Variants in PCDH15 observed in about 807,000 individuals in gnomAD.
PCDH15 encodes the protein protocadherin-15.
In PCDH15, 129 loss-of-function variants were observed where a neutral mutation model predicts 178.5. That is an observed-to-expected ratio of 0.72 (90% CI 0.63 to 0.84). The LOEUF is 0.84. Ranked by LOEUF, PCDH15 falls within the 40% of genes least tolerant of loss-of-function variation. The probability of loss-of-function intolerance (pLI) is 0.00; values close to 1 mark genes in which losing one functional copy is unlikely to be tolerated. For missense variants in PCDH15, 2,230 were observed against 2,099.9 expected, an observed-to-expected ratio of 1.06 and a Z score of -1.21; for synonymous variants, 800 against 732.0, an observed-to-expected ratio of 1.09 and a Z score of -1.50.
chr10:54,356,080 T>G (rs1944927647), intron 5 of PCDH15, among the ~76,000 whole-genome samples: 1 of 152,052 alleles, frequency 6.6e-6, no homozygotes, highest in South Asian at 2.1e-4. Context: ...TATTAAGTAT[T>G]AAGTACAAAA....
chr10:55,289,885 T>G (rs1842965018), intron 1 of PCDH15, among the ~76,000 whole-genome samples: 1 of 152,014 alleles, frequency 6.6e-6, no homozygotes, highest in Admixed American at 6.6e-5. Context: ...TTCACGGGAC[T>G]GAGTGAGTTT....
chr10:54,305,468 G>T (rs984442179), intron 8 of PCDH15, among the ~76,000 whole-genome samples: 4 of 151,856 alleles, frequency 2.6e-5, no homozygotes, highest in African/African-American at 9.7e-5. Flanking sequence ...AAATATATAT[G>T]CATTGATAGG....
chr10:55,271,261 A>G (rs552097822), intron 1 of PCDH15, among the ~76,000 whole-genome samples: 2 of 152,230 alleles, frequency 1.3e-5, no homozygotes, highest in South Asian at 4.1e-4. Context: ...ATATAAGTTG[A>G]ATTTTAAAAA....
chr10:55,291,267 T>A (rs1842999716), intron 1 of PCDH15, among the ~76,000 whole-genome samples: 1 of 152,104 alleles, frequency 6.6e-6, no homozygotes, highest in Admixed American at 6.6e-5. Flanking sequence ...AACACATACT[T>A]AAAACTTAAT....
chr10:54,834,212 T>C (rs1273336963), intron 3 of PCDH15, among the ~76,000 whole-genome samples: 2 of 151,354 alleles, frequency 1.3e-5, no homozygotes, highest in African/African-American at 2.4e-5. Flanking sequence ...TTTTTTGAGA[T>C]GGAGTCTCAC....
At chr10:54,814,038 G>A in intron 3 of PCDH15, among the ~76,000 whole-genome samples, 1 of 152,060 alleles carries the variant, frequency 6.6e-6, no homozygotes, top group East Asian at 1.9e-4. Context: ...TTAATTCCCA[G>A]TCTACCTCCC....
chr10:55,153,474 G>A lies in PCDH15; in HGVS notation c.-80+13102C>T, dbSNP rs191596414. ...GCAATTTTTCACCTTTGTAGTGGGC[G>A]TATAATTTATAACAATAAAAAGAGA... On this transcript the variant is annotated intron_variant, in intron 2 of 5. Coordinates refer to the PCDH15 transcript ENST00000458638. 3.2e-4 allele frequency among the ~76,000 whole-genome samples: 49 copies of A among 152,244 alleles called. 1 individual carries two copies. The highest frequency in any genetic ancestry group is 9.4e-4 in the African/African-American group (39 of 41,550).
intron 3 of PCDH15, among the ~76,000 whole-genome samples, chr10:54,460,197 T>G (rs1318676642): frequency 1.3e-5 from 2 of 152,088 alleles, no homozygotes; most frequent in Non-Finnish European, 2.9e-5. Flanking sequence ...AATTGTGATT[T>G]CTTAACTAGA....
intron 2 of PCDH15, among the ~76,000 whole-genome samples, chr10:54,542,322 G>A (rs913508972): frequency 6.6e-6 from 1 of 152,226 alleles, no homozygotes; most frequent in South Asian, 2.1e-4. Context: ...CGTATCACTG[G>A]CTGGCAGAGA....
chr10:55,438,738 G>T (rs1393955590), intron 2 of PCDH15, among the ~76,000 whole-genome samples: 3 of 151,738 alleles, frequency 2.0e-5, no homozygotes, highest in African/African-American at 7.3e-5. Context: ...ACAGGAAAAT[G>T]ACATATATTG....
chr10:55,007,175 A>G (rs1348023267), intron 2 of PCDH15, among the ~76,000 whole-genome samples: 3 of 152,162 alleles, frequency 2.0e-5, no homozygotes, highest in Non-Finnish European at 4.4e-5. Flanking sequence ...CAGAACTGAG[A>G]GTCAATTACA....
intron 3 of PCDH15, among the ~76,000 whole-genome samples, chr10:54,458,560 A>G (rs1039299689): frequency 6.6e-6 from 1 of 151,952 alleles, no homozygotes; most frequent in African/African-American, 2.4e-5. Flanking sequence ...TCTTTTATAC[A>G]CCCTTTGTGA....
intron 3 of PCDH15, among the ~76,000 whole-genome samples, chr10:54,415,310 A>T (rs1473440216): frequency 6.6e-6 from 1 of 152,196 alleles, no homozygotes; most frequent in African/African-American, 2.4e-5. Flanking sequence ...ACTATGAAAC[A>T]AAAGTTTCAA....
chr10:54,907,286 T>G (rs2131830897), intron 2 of PCDH15, among the ~76,000 whole-genome samples: 1 of 152,352 alleles, frequency 6.6e-6, no homozygotes, highest in South Asian at 2.1e-4. Flanking sequence ...GAAAAATATC[T>G]GATTTTTACC....
intron 1 of PCDH15, among the ~76,000 whole-genome samples, chr10:54,789,114 A>G (rs1048474533): frequency 6.6e-6 from 1 of 151,896 alleles, no homozygotes; most frequent in Non-Finnish European, 1.5e-5. Flanking sequence ...TGGCTCCCAA[A>G]ACATTCATAT....
Position 55,183,338 on chromosome 10 carries a change from A to G in PCDH15, c.-155-16687T>C, listed in dbSNP as rs370897578. Reference sequence around the variant, plus strand: ...AGTAGCAATTTCCACATCTTGATACATATTGTAAATTATCATTGATGAAAT... The same window carrying G: ...AGTAGCAATTTCCACATCTTGATACGTATTGTAAATTATCATTGATGAAAT... On this transcript the variant is annotated intron_variant, in intron 1 of 5. Transcript: ENST00000458638. 2.8e-4 allele frequency among the ~76,000 whole-genome samples: 43 copies of G among 152,100 alleles called. 1 individual carries two copies. The highest frequency in any genetic ancestry group is 1.0e-3 in the African/African-American group (42 of 41,546).
intron 2 of PCDH15, among the ~76,000 whole-genome samples, chr10:55,368,743 C>T (rs1311979648): frequency 2.0e-5 from 3 of 152,014 alleles, no homozygotes; most frequent in East Asian, 3.8e-4. Flanking sequence ...TTTTCCATTG[C>T]TACGAATAAC....
chr10:53,850,108 T>C (rs944881949), intron 28 of PCDH15, among the ~76,000 whole-genome samples: 2 of 151,994 alleles, frequency 1.3e-5, no homozygotes, highest in African/African-American at 4.8e-5. Context: ...AATAAAACCT[T>C]TTAACTCTCA....
At chr10:55,556,255 A>G (rs1199119586) in intron 2 of PCDH15, among the ~76,000 whole-genome samples, 1 of 152,166 alleles carries the variant, frequency 6.6e-6, no homozygotes, top group African/African-American at 2.4e-5. Flanking sequence ...TAATAATGAC[A>G]TGCTATAATG....
Sources: gnomAD v4.1 joint callset for allele counts (sites outside exome capture counted in the v4.1 genomes callset) on GRCh38, gnomAD v4.1.1 for gene constraint, MANE v1.5 for transcripts, NCBI Gene and HGNC (gene_info 2026-07-23, HGNC 2026-07-21) for gene names.